CCDC91: variants seen among roughly 807,000 people sequenced by gnomAD.
CCDC91 encodes the protein coiled-coil domain containing 91.
A neutral mutation model predicts 63.2 loss-of-function variants in CCDC91; 48 were observed. That is an observed-to-expected ratio of 0.76 (90% CI 0.60 to 0.97). CCDC91 has a LOEUF of 0.97. Among genes scored for constraint, CCDC91 ranks in the 50% least tolerant of loss-of-function variants. CCDC91 has a pLI of 0.00. For synonymous variants in CCDC91, 167 were observed against 165.8 expected (o/e 1.01, Z -0.06); for missense variants, 500 against 494.6 (o/e 1.01, Z -0.10).
At chr12:28,403,814 G>A (rs117360523) in intron 8 of CCDC91, among the ~76,000 whole-genome samples, 1,767 of 152,200 alleles carry the variant, frequency 0.012, 23 homozygotes, top group Non-Finnish European at 0.018. Context: ...TAGGCATACA[G>A]TTGTCCGTAG....
intron 12 of CCDC91, among the ~76,000 whole-genome samples, chr12:28,488,332 A>G (rs1431976444): frequency 6.6e-6 from 1 of 151,816 alleles, no homozygotes. Flanking sequence ...ATTACATCCT[A>G]AATTATTTAC....
At chr12:28,425,491 A>G (rs1948261231) in intron 8 of CCDC91, among the ~76,000 whole-genome samples, 1 of 152,108 alleles carries the variant, frequency 6.6e-6, no homozygotes, top group Admixed American at 6.6e-5. Flanking sequence ...TTTTCTGCTG[A>G]TCTATCCACC....
At chr12:28,308,456 A>G (rs1287384817) in intron 6 of CCDC91, among the ~76,000 whole-genome samples, 1 of 151,956 alleles carries the variant, frequency 6.6e-6, no homozygotes, top group Non-Finnish European at 1.5e-5. Context: ...ACTTAAAGCT[A>G]GTCATGTCAT....
intron 3 of CCDC91, among the ~76,000 whole-genome samples, chr12:28,281,946 G>C (rs946052668): frequency 6.6e-6 from 1 of 152,078 alleles, no homozygotes; most frequent in African/African-American, 2.4e-5. Flanking sequence ...ATCTGTGCAT[G>C]TATAGAAAAG....
chr12:28,483,052 G>T (rs1308529866), intron 11 of CCDC91, among the ~76,000 whole-genome samples: 1 of 151,890 alleles, frequency 6.6e-6, no homozygotes, highest in African/African-American at 2.4e-5. Flanking sequence ...ATATATGTGT[G>T]TCTTTCTTTG....
intron 6 of CCDC91, among the ~76,000 whole-genome samples, chr12:28,355,761 A>G (rs778398722): frequency 2.0e-5 from 3 of 152,134 alleles, no homozygotes; most frequent in Non-Finnish European, 4.4e-5. Context: ...TTGCTTTTTT[A>G]ATCCTGTTTC....
At chr12:28,545,440 G>A (rs1024938715) in intron 12 of CCDC91, among the ~76,000 whole-genome samples, 2 of 152,048 alleles carry the variant, frequency 1.3e-5, no homozygotes, top group Admixed American at 6.6e-5. Context: ...GGTTGTATGT[G>A]TTCCATCCCA....
At chr12:28,483,382 A>G (rs1187035959) in intron 11 of CCDC91, among the ~76,000 whole-genome samples, 2 of 152,102 alleles carry the variant, frequency 1.3e-5, no homozygotes, top group Admixed American at 6.6e-5. Flanking sequence ...GTAGCAGAAA[A>G]TATCATGACT....
intron 8 of CCDC91, among the ~76,000 whole-genome samples, chr12:28,396,619 T>A (rs575364560): frequency 1.8e-4 from 27 of 149,138 alleles, no homozygotes; most frequent in African/African-American, 5.7e-4. Flanking sequence ...AGAGCAGCAG[T>A]AGATGCTCAT....
intron 12 of CCDC91, among the ~76,000 whole-genome samples, chr12:28,495,529 C>T (rs1592845813): frequency 1.3e-5 from 2 of 151,682 alleles, no homozygotes; most frequent in African/African-American, 2.4e-5. Flanking sequence ...TTTGCTACCT[C>T]AGCGTCCCAT....
chr12:28,520,444 T>G (rs545461824), intron 12 of CCDC91, among the ~76,000 whole-genome samples: 18 of 152,324 alleles, frequency 1.2e-4, no homozygotes, highest in South Asian at 4.1e-4. Flanking sequence ...TAAATTTGTT[T>G]AAGTTCTTTG....
intron 3 of CCDC91, among the ~76,000 whole-genome samples, chr12:28,286,081 A>G (rs1948897844): frequency 6.6e-6 from 1 of 151,940 alleles, no homozygotes; most frequent in Non-Finnish European, 1.5e-5. Flanking sequence ...ATGCTTTCTA[A>G]TTGGAAGTGG....
At chr12:28,431,681 A>AATTGTGAATT (rs1320401993) in intron 8 of CCDC91, among the ~76,000 whole-genome samples, 5 of 151,606 alleles carry the variant, frequency 3.3e-5, no homozygotes, top group Admixed American at 1.3e-4. Flanking sequence ...CCCCAAAGTG[A>AATTGTGAATT]CCTCTCTGCC....
chr12:28,351,346 C>G (rs1478219497), intron 6 of CCDC91, among the ~76,000 whole-genome samples: 1 of 152,180 alleles, frequency 6.6e-6, no homozygotes. Flanking sequence ...TCACCAGTTC[C>G]AAACAAATTT....
intron 2 of CCDC91, among the ~76,000 whole-genome samples, chr12:28,257,514 A>G (rs1946532954): frequency 6.6e-6 from 1 of 152,150 alleles, no homozygotes; most frequent in East Asian, 1.9e-4. Context: ...GCACTAAAGG[A>G]AAGATTTTAA....
Position 28,328,760 on chromosome 12 carries a change from T to A in CCDC91, c.576+21011T>A, listed in dbSNP as rs79054594. Among the ~76,000 whole-genome samples the A allele has an allele frequency of 1.8e-3, 268 of 152,330 alleles. 2 individuals carry two copies. Among genetic ancestry groups the A allele is most frequent in the African/African-American group, 6.1e-3 (255 of 41,580 alleles). On this transcript the variant is annotated intron_variant, in intron 6 of 12. Transcript: ENST00000536442. The stretch of plus-strand genomic sequence containing the variant: ...ATGACTAAAAAGAATTATTATTTTT[T>A]ATGAATGTGTTAGATATGATATAAA...
rs549568614 is a variant in CCDC91 at position 28,391,894 on chromosome 12, G to A, written c.762+483G>A. Among the ~76,000 whole-genome samples the A allele has an allele frequency of 8.0e-4, 122 of 152,154 alleles. 3 individuals are homozygous for A. The South Asian group carries it at 0.024, about 31-fold the overall frequency. Reference sequence around the variant, plus strand: ...TCACTGCTTTACATTAAACAAAGCAGCTGAAGATTTATAGATGTGTCATAG... The same window carrying A: ...TCACTGCTTTACATTAAACAAAGCAACTGAAGATTTATAGATGTGTCATAG... On this transcript the variant is annotated intron_variant, in intron 8 of 12. Transcript: ENST00000536442.
rs73083982 is a variant in CCDC91 at position 28,341,638 on chromosome 12, G to T, written c.577-20800G>T. Among the ~76,000 whole-genome samples the T allele has an allele frequency of 3.7e-3, 557 of 152,182 alleles. 2 individuals carry two copies. Among genetic ancestry groups the T allele is most frequent in the African/African-American group, 8.1e-3 (338 of 41,502 alleles). On this transcript the variant is annotated intron_variant, in intron 6 of 12. Transcript: ENST00000536442. ...GCCATTATTCTGCCTATTACACTTA[G>T]GATTCCTTGACCACACTTTGAAAAC...
chr12:28,297,881 A>G (rs986915303), intron 3 of CCDC91, among the ~76,000 whole-genome samples: 5 of 151,880 alleles, frequency 3.3e-5, no homozygotes, highest in Non-Finnish European at 5.9e-5. Flanking sequence ...TTTATTAAGC[A>G]CACACATTTA....
Sources: gnomAD v4.1 joint callset for allele counts (sites outside exome capture counted in the v4.1 genomes callset) on GRCh38, gnomAD v4.1.1 for gene constraint, MANE v1.5 for transcripts, NCBI Gene and HGNC (gene_info 2026-07-23, HGNC 2026-07-21) for gene names.